Variants in LRRC7 observed in about 807,000 individuals in gnomAD.
The protein encoded by LRRC7 is leucine-rich repeat-containing protein 7.
Under a neutral mutation model 175.7 loss-of-function variants are expected in LRRC7, and 23 were observed. The observed-to-expected ratio is 0.13, with a 90% CI of 0.09 to 0.19. The LOEUF is 0.19. Ranked by LOEUF, LRRC7 falls within the 10% of genes least tolerant of loss-of-function variation. LRRC7 has a pLI of 1.00. For synonymous variants in LRRC7, 685 were observed against 680.9 expected (o/e 1.01, Z -0.09); for missense variants, 1,354 against 1,904.7 (o/e 0.71, Z 5.38).
At chr1:69,833,088 A>T (rs149123835) in intron 5 of LRRC7, among the ~76,000 whole-genome samples, 1 of 144,388 alleles carries the variant, frequency 6.9e-6, no homozygotes, top group Non-Finnish European at 1.5e-5. Flanking sequence ...CTGGGAGACA[A>T]GAGTGAAACT....
intron 1 of LRRC7, among the ~76,000 whole-genome samples, chr1:69,666,919 T>G (rs1267021525): frequency 6.6e-6 from 1 of 152,148 alleles, no homozygotes; most frequent in Non-Finnish European, 1.5e-5. Context: ...TTTGAAGTTT[T>G]TCTTTTGTGA....
intron 2 of LRRC7, among the ~76,000 whole-genome samples, chr1:69,727,035 CA>C (rs941342487): frequency 8.5e-5 from 13 of 152,164 alleles, no homozygotes; most frequent in African/African-American, 3.1e-4. Context: ...GAGGTTGCAA[CA>C]CATGCCTCAA....
chr1:69,606,929 C>T (rs1365151625), intron 1 of LRRC7: 2 of 151,956 alleles, frequency 1.3e-5, no homozygotes, highest in Non-Finnish European at 2.9e-5. Context: ...CTTTGGGTTC[C>T]TTATAGTTCA....
intron 7 of LRRC7, among the ~76,000 whole-genome samples, chr1:69,889,824 AG>A (rs1645778877): frequency 6.7e-6 from 1 of 149,816 alleles, no homozygotes. Context: ...GTAAGGAGAT[AG>A]AGAAGAAGAA....
At chr1:69,799,646 A>T (rs188590657) in intron 4 of LRRC7, among the ~76,000 whole-genome samples, 1 of 152,086 alleles carries the variant, frequency 6.6e-6, no homozygotes, top group Non-Finnish European at 1.5e-5. Flanking sequence ...AAATTTTGCT[A>T]TAGTTTGCAA....
At chr1:69,653,851 G>A (rs1656217646) in intron 1 of LRRC7, among the ~76,000 whole-genome samples, 1 of 152,044 alleles carries the variant, frequency 6.6e-6, no homozygotes, top group African/African-American at 2.4e-5. Context: ...AGTGACATAA[G>A]CTAATCGCAG....
rs967294534 is a variant in LRRC7 at position 70,125,708 on chromosome 1, C to G, written c.*3821C>G. On this transcript the variant is annotated 3_prime_UTR_variant, in exon 27 of 27. Transcript: ENST00000651989. The stretch of plus-strand genomic sequence containing the variant: ...TTGGGAGGCTGAGGCAGGAGAATGG[C>G]GTGAACCCAGGAGGCGGAGCTTGCA... 6.5e-5 allele frequency among the ~76,000 whole-genome samples: 9 copies of G among 137,552 alleles called. No homozygotes were observed. The South Asian group carries it at 2.2e-3, about 34-fold the overall frequency. The allele number at this position is 137,552 out of a possible 152,430, so 90.2% of individuals were successfully genotyped here.
chr1:69,740,171 A>G (rs1668555047), intron 2 of LRRC7, among the ~76,000 whole-genome samples: 1 of 152,112 alleles, frequency 6.6e-6, no homozygotes. Context: ...ATAAGAAAAC[A>G]CAAACTGGGT....
chr1:69,665,645 G>T (rs568873024), intron 1 of LRRC7, among the ~76,000 whole-genome samples: 1 of 151,420 alleles, frequency 6.6e-6, no homozygotes. Flanking sequence ...GCATATAGAG[G>T]ATACTACTGA....
At chr1:69,906,242 G>GGTAGA (rs1354791482) in intron 7 of LRRC7, among the ~76,000 whole-genome samples, 2 of 152,124 alleles carry the variant, frequency 1.3e-5, no homozygotes, top group African/African-American at 4.8e-5. Flanking sequence ...TTCTTTTGCT[G>GGTAGA]TGCAGAAGCT....
At chr1:70,021,500 C>A in intron 16 of LRRC7, 1 of 158,262 alleles carries the variant, frequency 6.3e-6, no homozygotes, top group South Asian at 1.8e-4. Flanking sequence ...GTCATGCAGA[C>A]TGAATAAGGC....
At chr1:69,909,570 C>G (rs1260472450) in intron 7 of LRRC7, among the ~76,000 whole-genome samples, 2 of 152,094 alleles carry the variant, frequency 1.3e-5, no homozygotes, top group East Asian at 3.8e-4. Flanking sequence ...GTTGAAAATT[C>G]TTTTCTTTAA....
chr1:69,938,076 C>CA (rs1648236808), intron 8 of LRRC7, among the ~76,000 whole-genome samples: 1 of 151,296 alleles, frequency 6.6e-6, no homozygotes, highest in African/African-American at 2.4e-5. Context: ...ATGATAGCAG[C>CA]AAAAATATTT....
intron 7 of LRRC7, among the ~76,000 whole-genome samples, chr1:69,902,568 C>CA (rs1353849468): frequency 3.9e-5 from 4 of 103,664 alleles, no homozygotes; most frequent in Non-Finnish European, 6.2e-5. Flanking sequence ...GACCCTGTTT[C>CA]AAAACAAAAC....
At chr1:70,096,265 C>G (rs994085288) in intron 25 of LRRC7, among the ~76,000 whole-genome samples, 16 of 152,232 alleles carry the variant, frequency 1.1e-4, no homozygotes, top group Non-Finnish European at 1.9e-4. Context: ...GCGTGAGCCA[C>G]CGTGCTTGCC....
chr1:69,794,988 G>C lies in LRRC7; in HGVS notation c.421+2828G>C, dbSNP rs181772159. On this transcript the variant is annotated intron_variant, in intron 4 of 26. Coordinates refer to ENST00000651989, the MANE Select transcript of LRRC7 (RefSeq NM_001370785.2). ...CGAACCACTCTGCAATACTAGTATA[G>C]TACTATAGGCTTGATGAGTATAATG... is the stretch of plus-strand genomic sequence containing the variant. Among the ~76,000 whole-genome samples, 249 of 152,298 alleles carry C rather than the reference G, an allele frequency of 1.6e-3. 1 individual carries two copies. The highest frequency in any genetic ancestry group is 2.9e-3 in the Non-Finnish European group (198 of 68,026).
intron 1 of LRRC7, among the ~76,000 whole-genome samples, chr1:69,648,435 C>T (rs1655312158): frequency 6.6e-6 from 1 of 152,042 alleles, no homozygotes; most frequent in African/African-American, 2.4e-5. Context: ...TATTGTCCTT[C>T]TTCTGCCTTG....
chr1:69,993,613 A>G (rs1048684511), intron 10 of LRRC7, among the ~76,000 whole-genome samples: 2 of 152,208 alleles, frequency 1.3e-5, no homozygotes, highest in African/African-American at 4.8e-5. Flanking sequence ...CTCCTAGACA[A>G]ACTATTAAAG....
chr1:69,888,120 C>T (rs1570513130), intron 7 of LRRC7, among the ~76,000 whole-genome samples: 1 of 139,476 alleles, frequency 7.2e-6, no homozygotes, highest in South Asian at 2.5e-4. Flanking sequence ...GGCAGGCAGG[C>T]CTCCTTGAGC....
Sources: allele counts gnomAD v4.1 joint callset (sites outside exome capture counted in the v4.1 genomes callset), GRCh38; gene constraint gnomAD v4.1.1; transcripts MANE v1.5; gene names NCBI Gene and HGNC (gene_info 2026-07-23, HGNC 2026-07-21).